Variants in ECPAS observed in about 807,000 individuals in gnomAD.
ECPAS encodes proteasome adapter and scaffold protein ECM29.
Under a neutral mutation model 255.1 loss-of-function variants are expected in ECPAS, and 70 were observed. The observed-to-expected ratio is 0.27, with a 90% CI of 0.23 to 0.33. The LOEUF (loss-of-function observed/expected upper bound fraction) is 0.33. ECPAS is among the 10% of genes least tolerant of loss of function. ECPAS has a pLI of 1.00. For missense variants in ECPAS, 1,817 were observed against 2,206.4 expected, an observed-to-expected ratio of 0.82 and a Z score of 3.54; for synonymous variants, 784 against 775.0, an observed-to-expected ratio of 1.01 and a Z score of -0.19.
At chr9:111,412,629 C>T (rs573064065) in intron 20 of ECPAS, among the ~76,000 whole-genome samples, 47 of 152,222 alleles carry the variant, frequency 3.1e-4, no homozygotes, top group Admixed American at 3.1e-3. Flanking sequence ...GCAAACCATA[C>T]AAAAACAGGA....
chr9:111,463,588 T>C (rs1415098761), intron 2 of ECPAS, among the ~76,000 whole-genome samples: 1 of 152,160 alleles, frequency 6.6e-6, no homozygotes, highest in Non-Finnish European at 1.5e-5. Flanking sequence ...TCAAGACTTA[T>C]AAAGCTATGA....
intron 6 of ECPAS, among the ~76,000 whole-genome samples, chr9:111,439,519 C>G (rs570482003): frequency 5.3e-5 from 8 of 152,020 alleles, no homozygotes; most frequent in Non-Finnish European, 8.8e-5. Context: ...TCTGTTCGGC[C>G]CCCCCTTCCC....
At chr9:111,426,584 G>A (rs753173158) in intron 10 of ECPAS, among the ~76,000 whole-genome samples, 18 of 151,900 alleles carry the variant, frequency 1.2e-4, no homozygotes, top group Non-Finnish European at 1.8e-4. Flanking sequence ...AGCCAAGCAT[G>A]GTGGCTCACA....
chr9:111,372,456 T>A lies in ECPAS; in HGVS notation c.4501A>T (p.Thr1501Ser). 3 of 1,613,830 alleles carry A rather than the reference T, an allele frequency of 1.9e-6. No individual in the cohort carries two copies. The highest frequency in any genetic ancestry group is 2.5e-6 in the Non-Finnish European group (3 of 1,179,758). ...KSEKEECNLW[T>S]EVWQENVPGS... ...GGTACGTTTTCCTGCCACACTTCGG[T>A]CCATAAATTACATTCTTCTTTTTCG... The change falls in exon 42 of 50, where the codon ACC becomes TCC. Residue 1501 changes from threonine (T) to serine (S), a missense_variant. Transcript: ENST00000684092.
intron 2 of ECPAS, among the ~76,000 whole-genome samples, chr9:111,469,421 C>G (rs2098283642): frequency 6.6e-6 from 1 of 152,158 alleles, no homozygotes; most frequent in Non-Finnish European, 1.5e-5. Flanking sequence ...GCAATCCCAG[C>G]TACTCGGGAG....
At position 111,410,088 on chromosome 9, in the gene ECPAS, C is replaced by G; in HGVS notation, c.2503G>C (p.Val835Leu). 1 of 1,591,684 alleles carries G rather than the reference C, an allele frequency of 6.3e-7. No homozygotes were observed. The highest frequency in any genetic ancestry group is 8.6e-7 in the Non-Finnish European group (1 of 1,168,412). The change falls in exon 23 of 50, where the codon GTA becomes CTA. Residue 835 changes from valine (V) to leucine (L), a missense_variant. Physicochemically the swap from Val to Leu is conservative, Grantham distance 32. Around this residue, in one of 4 missense-constraint regions of ECPAS, gnomAD observed 194 missense variants for 152.8 expected, o/e 1.27. Coordinates refer to ENST00000684092, the MANE Select transcript of ECPAS (RefSeq NM_001364929.1). ...GGTATTCTACTTAGTAAGCTTTCTA[C>G]AAGATGCAATTTGGTAAAGCCAGAT... Reference protein sequence around the residue: ...EGSGFTKLHLVESLLSRIPSS... With the variant: ...EGSGFTKLHLLESLLSRIPSS...
At chr9:111,417,785 G>C in intron 17 of ECPAS, 98 bp downstream of exon 17, 1 of 1,114,408 alleles carries the variant, frequency 9.0e-7, no homozygotes, top group Non-Finnish European at 1.2e-6. Flanking sequence ...GAAATTTTAT[G>C]AGTCAACATC....
chr9:111,435,684 T>A lies in ECPAS; in HGVS notation c.708+1256A>T, dbSNP rs993343750. On this transcript the variant is annotated intron_variant, in intron 7 of 49. Transcript: ENST00000684092. ...AAAGAGTAGCTTCAGTAAATCTTTT[T>A]TTTTTTTTTTTTTGAGATGGAGTCT... Among the ~76,000 whole-genome samples the A allele has an allele frequency of 4.0e-5, 6 of 150,094 alleles. No homozygotes were observed. In the South Asian group the frequency reaches 1.3e-3, roughly 32 times the overall value.
intron 1 of ECPAS, among the ~76,000 whole-genome samples, chr9:111,480,188 C>A (rs2098302403): frequency 6.7e-6 from 1 of 149,746 alleles, no homozygotes; most frequent in African/African-American, 2.5e-5. Context: ...ACAATGCTGG[C>A]ATCTAGTAGT....
At chr9:111,427,159 A>AG (rs1589183022) in intron 10 of ECPAS, among the ~76,000 whole-genome samples, 1 of 68,718 alleles carries the variant, frequency 1.5e-5, no homozygotes, top group African/African-American at 6.5e-5. Flanking sequence ...ACCCTGTCTC[A>AG]GAAAAAAAAA....
intron 24 of ECPAS, among the ~76,000 whole-genome samples, chr9:111,407,403 GAAAAAAAAAAAAAAAAAAAAAAAAA>G (rs1161790026): frequency 8.3e-5 from 1 of 12,058 alleles, no homozygotes; most frequent in Non-Finnish European, 1.6e-4. Context: ...CTCCATCTCA[GAAAAAAAAAAAAAAAAAAAAAAAAA>G]AAAAAAAAAA....
At position 111,378,573 on chromosome 9, in the gene ECPAS, C is replaced by T. The variant is rs968135238; in HGVS notation, c.3954+7G>A. On this transcript the variant is annotated splice_region_variant and intron_variant, in intron 36 of 49. Coordinates refer to ENST00000684092, the MANE Select transcript of ECPAS (RefSeq NM_001364929.1). ...TACTTACCAATATGCCTGCGCTATC[C>T]ACTCACCTTTTCTTGCTCTGTCGCC... The T allele has an allele frequency of 2.5e-6, 4 of 1,611,698 alleles. No homozygotes were observed. The African/African-American group carries it at 4.0e-5, about 16-fold the overall frequency.
intron 2 of ECPAS, among the ~76,000 whole-genome samples, chr9:111,451,946 CATCTTACTGATGAAGTT>C (rs1218578178): frequency 4.6e-5 from 7 of 152,178 alleles, no homozygotes; most frequent in Non-Finnish European, 1.0e-4. Flanking sequence ...CTGGTGAAAT[CATCTTACTGATGAAGTT>C]TCTCCAAAGA....
intron 24 of ECPAS, among the ~76,000 whole-genome samples, chr9:111,397,388 T>C (rs910422929): frequency 6.6e-6 from 1 of 152,206 alleles, no homozygotes; most frequent in Non-Finnish European, 1.5e-5. Context: ...TCACCCTCAG[T>C]AGAGAACCAC....
chr9:111,483,254 A>G (rs1450703766), intron 1 of ECPAS, among the ~76,000 whole-genome samples: 1 of 151,790 alleles, frequency 6.6e-6, no homozygotes, highest in African/African-American at 2.4e-5. Context: ...GATCGCGGGC[A>G]GAGGTGGCTC....
intron 1 of ECPAS, among the ~76,000 whole-genome samples, chr9:111,476,986 G>GGC (rs2098296998): frequency 6.6e-6 from 1 of 151,988 alleles, no homozygotes; most frequent in Non-Finnish European, 1.5e-5. Context: ...ATTTTTAGTA[G>GGC]AGATGGGGTT....
chr9:111,458,714 T>C (rs1288356469), intron 2 of ECPAS, among the ~76,000 whole-genome samples: 3 of 152,026 alleles, frequency 2.0e-5, no homozygotes, highest in African/African-American at 7.2e-5. Flanking sequence ...ACCTGGTCAA[T>C]AAAACCCTGG....
chr9:111,384,649 C>T (rs2098145241), intron 33 of ECPAS, 80 bp from the exon 34 acceptor site: 1 of 1,256,020 alleles, frequency 8.0e-7, no homozygotes, highest in Admixed American at 1.8e-5. Context: ...ATTTAATTGC[C>T]TCAGGCCCTA....
intron 24 of ECPAS, among the ~76,000 whole-genome samples, chr9:111,398,204 C>T (rs1283807405): frequency 6.6e-6 from 1 of 152,162 alleles, no homozygotes; most frequent in Admixed American, 6.5e-5. Flanking sequence ...CCACAAGCTT[C>T]CTAGTCTGAG....
Sources: allele counts gnomAD v4.1 joint callset (sites outside exome capture counted in the v4.1 genomes callset), GRCh38; gene constraint gnomAD v4.1.1; regional missense constraint gnomAD v4.1.1; transcripts MANE v1.5; gene names NCBI Gene and HGNC (gene_info 2026-07-23, HGNC 2026-07-21).